Variants in AOPEP observed in about 807,000 individuals in gnomAD.
AOPEP encodes aminopeptidase O (putative).
A neutral mutation model predicts 98.1 loss-of-function variants in AOPEP; 77 were observed. The observed-to-expected ratio is 0.78, with a 90% confidence interval of 0.65 to 0.95. AOPEP has a LOEUF of 0.95. Ranked by LOEUF, AOPEP falls within the 40% of genes least tolerant of loss-of-function variation. The pLI is 0.00. For synonymous variants in AOPEP, 346 were observed against 365.3 expected (o/e 0.95, Z 0.60); for missense variants, 1,024 against 1,024.7 (o/e 1.00, Z 0.01).
At chr9:94,987,273 AT>A (rs2060579861) in intron 11 of AOPEP, among the ~76,000 whole-genome samples, 1 of 152,248 alleles carries the variant, frequency 6.6e-6, no homozygotes, top group Admixed American at 6.5e-5. Flanking sequence ...GGCCATTTTG[AT>A]TTGTGGAAGC....
chr9:95,005,392 C>T lies in AOPEP; in HGVS notation c.2041-150C>T. ...AGGTCGCGGCCCCTGCGGTGAGGCG[C>T]CCGGCGAGTTCCGCGGGCGGGCGCG... On this transcript the variant is annotated intron_variant, in intron 12 of 16. Transcript: ENST00000375315. The T allele has an allele frequency of 3.4e-6, 3 of 883,406 alleles. 1 individual carries two copies. The highest frequency in any genetic ancestry group is 3.3e-5 in the South Asian group (2 of 60,250). The allele number at this position is 883,406 out of a possible 1,614,324, so 54.7% of individuals were successfully genotyped here.
the AOPEP span, chr9:95,149,910 A>G: frequency 1.9e-6 from 3 of 1,588,850 alleles, no homozygotes; most frequent in Non-Finnish European, 2.6e-6. Context: ...GACAGGAAAC[A>G]TTTGCCACTT....
At chr9:95,113,343 AATAAG>A in the AOPEP span, among the ~76,000 whole-genome samples, 2 of 152,234 alleles carry the variant, frequency 1.3e-5, no homozygotes, top group Non-Finnish European at 2.9e-5. Flanking sequence ...AAAAGGAACA[AATAAG>A]ATAGTCTTAG....
intron 2 of AOPEP, among the ~76,000 whole-genome samples, chr9:94,770,856 T>A (rs1840703041): frequency 6.6e-6 from 1 of 152,032 alleles, no homozygotes; most frequent in Non-Finnish European, 1.5e-5. Flanking sequence ...TCTGGTACAG[T>A]ATGGAAGGGG....
chr9:94,737,217 G>GC (rs1184422510), intron 1 of AOPEP, among the ~76,000 whole-genome samples: 3 of 151,752 alleles, frequency 2.0e-5, no homozygotes, highest in Non-Finnish European at 2.9e-5. Flanking sequence ...GCGATCCTTT[G>GC]CCTCAGCCTC....
intron 5 of AOPEP, among the ~76,000 whole-genome samples, chr9:94,856,906 G>T (rs1448195784): frequency 2.0e-5 from 3 of 152,198 alleles, no homozygotes; most frequent in Non-Finnish European, 2.9e-5. Flanking sequence ...CTAGAAGAGG[G>T]TCTAAAAGGC....
chr9:94,927,263 A>G (rs2054493834), intron 6 of AOPEP, among the ~76,000 whole-genome samples: 1 of 152,172 alleles, frequency 6.6e-6, no homozygotes, highest in Admixed American at 6.5e-5. Flanking sequence ...ACTTAACCTT[A>G]ATGACCTCCT....
chr9:94,959,433 T>G (rs1296088295), intron 9 of AOPEP, among the ~76,000 whole-genome samples: 1 of 152,208 alleles, frequency 6.6e-6, no homozygotes, highest in Non-Finnish European at 1.5e-5. Flanking sequence ...GACTGTTCTT[T>G]CCCTCCATTG....
chr9:95,087,994 A>T (rs183117783), downstream of AOPEP, among the ~76,000 whole-genome samples: 6 of 152,248 alleles, frequency 3.9e-5, no homozygotes, highest in Middle Eastern at 3.4e-3. Flanking sequence ...TGGTCTCCAG[A>T]ACTCTCTTTT....
chr9:95,088,423 G>A (rs1040871213), downstream of AOPEP, among the ~76,000 whole-genome samples: 2 of 152,034 alleles, frequency 1.3e-5, no homozygotes, highest in African/African-American at 4.8e-5. Flanking sequence ...TGGTCAGGCT[G>A]GTCTCGAACT....
chr9:94,780,499 C>G (rs1386091193), intron 3 of AOPEP, among the ~76,000 whole-genome samples: 3 of 152,076 alleles, frequency 2.0e-5, no homozygotes, highest in African/African-American at 7.2e-5. Flanking sequence ...TTAAGCTAGA[C>G]AAGATAAAAG....
intron 7 of AOPEP, among the ~76,000 whole-genome samples, chr9:94,938,824 A>G (rs2056649852): frequency 6.6e-6 from 1 of 152,236 alleles, no homozygotes; most frequent in Non-Finnish European, 1.5e-5. Context: ...ACATATGATC[A>G]AAGAGAAAGA....
In AOPEP at chr9:94,773,000, A is replaced by G; in HGVS notation, c.798-2A>G. ...CTTTCTTTCTTTGTCTCTCTTCTGCAGGCCATGTGTTTATACTGTGGGATC... is the reference window on the plus strand; with the variant it reads ...CTTTCTTTCTTTGTCTCTCTTCTGCGGGCCATGTGTTTATACTGTGGGATC... On this transcript the variant is annotated splice_acceptor_variant, in intron 2 of 16. Coordinates refer to ENST00000375315, the MANE Select transcript of AOPEP (RefSeq NM_001193329.3). LOFTEE classifies it high-confidence loss of function. 6.3e-7 allele frequency: 1 copy of G among 1,585,092 alleles called. No individual in the cohort carries two copies. The highest frequency in any genetic ancestry group is 8.6e-7 in the Non-Finnish European group (1 of 1,162,982).
At chr9:94,963,661 G>C (rs1267827895) in intron 9 of AOPEP, among the ~76,000 whole-genome samples, 2 of 152,134 alleles carry the variant, frequency 1.3e-5, no homozygotes, top group Non-Finnish European at 2.9e-5. Context: ...CTGCAGAGGT[G>C]ACAAGCTGGG....
At chr9:94,738,264 G>T (rs1317908404) in intron 1 of AOPEP, among the ~76,000 whole-genome samples, 2 of 152,152 alleles carry the variant, frequency 1.3e-5, no homozygotes, top group Non-Finnish European at 2.9e-5. Flanking sequence ...AATTCCCAAA[G>T]GAGAAAGACT....
intron 5 of AOPEP, among the ~76,000 whole-genome samples, chr9:94,805,007 A>T (rs918777371): frequency 1.3e-5 from 2 of 152,136 alleles, no homozygotes; most frequent in Non-Finnish European, 2.9e-5. Context: ...GGAGGAGTAG[A>T]ATGAAGGCCA....
At chr9:94,864,193 T>C (rs757379487) in intron 5 of AOPEP, among the ~76,000 whole-genome samples, 47 of 152,334 alleles carry the variant, frequency 3.1e-4, no homozygotes, top group African/African-American at 1.1e-3. Context: ...AAGACTGATA[T>C]GGCCTTTACT....
intron 7 of AOPEP, among the ~76,000 whole-genome samples, chr9:94,951,659 A>C (rs1436179010): frequency 6.6e-6 from 1 of 152,236 alleles, no homozygotes; most frequent in East Asian, 1.9e-4. Context: ...TGGTTGACTT[A>C]AACAAATGGT....
intron 15 of AOPEP, among the ~76,000 whole-genome samples, chr9:95,081,736 A>G (rs2069810245): frequency 6.6e-6 from 1 of 152,230 alleles, no homozygotes; most frequent in African/African-American, 2.4e-5. Context: ...GTATATTTAG[A>G]ATTGTGATCT....
Sources: gnomAD v4.1 joint callset for allele counts (sites outside exome capture counted in the v4.1 genomes callset) on GRCh38, gnomAD v4.1.1 for gene constraint, MANE v1.5 for transcripts, NCBI Gene and HGNC (gene_info 2026-07-23, HGNC 2026-07-21) for gene names.